HAUS6: variants seen among roughly 807,000 people sequenced by gnomAD.
HAUS6 encodes HAUS augmin like complex subunit 6.
Under a neutral mutation model 106.8 loss-of-function variants are expected in HAUS6, and 80 were observed. That is an observed-to-expected ratio of 0.75 (90% CI 0.63 to 0.90). The LOEUF (loss-of-function observed/expected upper bound fraction) is 0.90. HAUS6 is among the 40% of genes least tolerant of loss of function. HAUS6 has a pLI of 0.00. For missense variants in HAUS6, 1,155 were observed against 1,118.1 expected (o/e 1.03, Z -0.47); for synonymous variants, 356 against 379.1 (o/e 0.94, Z 0.71).
At position 19,058,805 on chromosome 9, in the gene HAUS6, A is replaced by C; in HGVS notation, c.1962T>G (p.Thr654=). ...CGCAATCTGAAATAACTTTCTCTTC[A>C]GTCAAATGAGACTGGCCAAAATCTG... is the stretch of plus-strand genomic sequence containing the variant. ...TVSDFGQSHL[T]EEKVISDCEC... Residue 654 remains threonine, a synonymous_variant, in exon 16 of 17, where the codon ACT becomes ACG. Coordinates refer to ENST00000380502, the MANE Select transcript of HAUS6 (RefSeq NM_017645.5). 6.2e-7 allele frequency: 1 copy of C among 1,614,216 alleles called. No homozygotes were observed. Among genetic ancestry groups the C allele is most frequent in the African/African-American group, 1.3e-5 (1 of 75,068 alleles).
Position 19,094,348 on chromosome 9 carries a change from T to A in HAUS6, c.272A>T (p.Lys91Ile). ...FDQKSDTEFR[K>I]HCCEWIKRIS... ...CCTTTTTATCCATTCACAGCAATGT[T>A]TTCGGAATTCAGTGTCACTTTTTTG... Residue 91 changes from lysine (K) to isoleucine (I), a missense_variant, in exon 3 of 17, where the codon AAA becomes ATA. This residue lies in a region of HAUS6 where 761 missense variants were observed against 690.0 expected (regional missense o/e 1.10). Coordinates refer to ENST00000380502, the MANE Select transcript of HAUS6 (RefSeq NM_017645.5). The A allele has an allele frequency of 6.2e-7, 1 of 1,606,056 alleles. No individual in the cohort carries two copies. Among genetic ancestry groups the A allele is most frequent in the Non-Finnish European group, 8.5e-7 (1 of 1,174,842 alleles).
In HAUS6 at chr9:19,055,624, AC is replaced by A. The variant is rs1836452892; in HGVS notation, c.*718del. On this transcript the variant is annotated 3_prime_UTR_variant, in exon 17 of 17. Coordinates refer to ENST00000380502, the MANE Select transcript of HAUS6 (RefSeq NM_017645.5). ...AAATTAGACTAAATATAAATGTTAT[AC>A]AACCCACTGAATGGATTTATAGTTT... The A allele has an allele frequency of 6.6e-6, 1 of 152,274 alleles. No individual in the cohort carries two copies. The highest frequency in any genetic ancestry group is 1.5e-5 in the Non-Finnish European group (1 of 68,048). 9.4% of individuals were successfully genotyped at this position (152,274 alleles called of 1,614,324 possible).
At position 19,080,550 on chromosome 9, in the gene HAUS6, C is replaced by G. The variant is rs139689694; in HGVS notation, c.993G>C (p.Thr331=). 7.0e-5 allele frequency: 113 copies of G among 1,607,592 alleles called. 1 individual carries two copies. The South Asian group carries it at 1.2e-3, about 17-fold the overall frequency. The change falls in exon 9 of 17, where the codon ACG becomes ACC. Residue 331 remains threonine, a synonymous_variant. Coordinates refer to ENST00000380502, the MANE Select transcript of HAUS6 (RefSeq NM_017645.5). ...ERCQADQARL[T]VDLHYLEKET... ...CTTTTTCAAGGTAGTGAAGGTCTAC[C>G]GTCAATCTTGCTTGATCAGCCTGAC...
At chr9:19,057,804 G>C (rs1449519880) in intron 16 of HAUS6, 157 bp downstream of exon 16, 10 of 560,654 alleles carry the variant, frequency 1.8e-5, no homozygotes, top group Non-Finnish European at 2.5e-5. Context: ...ATTCTGAAAG[G>C]ACCTGTCCAG....
chr9:19,089,809 T>C, intron 4 of HAUS6: 2 of 467,626 alleles, frequency 4.3e-6, no homozygotes, highest in South Asian at 3.1e-5. Context: ...CACAAACATA[T>C]AACAACTAAT....
chr9:19,073,771 G>T (rs1470979014), intron 11 of HAUS6: 1 of 152,026 alleles, frequency 6.6e-6, no homozygotes, highest in Non-Finnish European at 1.5e-5. Flanking sequence ...ATGGAACCAG[G>T]ATGCTCTATC....
chr9:19,069,440 G>C (rs1371954482), intron 12 of HAUS6, among the ~76,000 whole-genome samples: 1 of 152,210 alleles, frequency 6.6e-6, no homozygotes, highest in Admixed American at 6.5e-5. Flanking sequence ...TGTAATCACA[G>C]CACTTTGGGA....
At chr9:19,077,922 T>G (rs544202531) in intron 10 of HAUS6, among the ~76,000 whole-genome samples, 1 of 152,034 alleles carries the variant, frequency 6.6e-6, no homozygotes, top group South Asian at 2.1e-4. Context: ...TTAGCCAGGC[T>G]TGGTGGTGCA....
At chr9:19,066,190 C>T (rs1836757444) in intron 12 of HAUS6, among the ~76,000 whole-genome samples, 1 of 152,046 alleles carries the variant, frequency 6.6e-6, no homozygotes, top group South Asian at 2.1e-4. Flanking sequence ...CCTGCCTCAG[C>T]ATCCCAAAGT....
chr9:19,063,699 G>A (rs766205572), intron 12 of HAUS6, 119 bp from the exon 13 acceptor site: 11 of 805,790 alleles, frequency 1.4e-5, no homozygotes, highest in African/African-American at 8.4e-5. Flanking sequence ...CACTCAATTC[G>A]TCCCGGTCAT....
intron 4 of HAUS6, among the ~76,000 whole-genome samples, chr9:19,092,111 G>A (rs984969863): frequency 1.2e-4 from 18 of 152,034 alleles, no homozygotes; most frequent in African/African-American, 3.9e-4. Flanking sequence ...GGTCACATAC[G>A]ATGCTAATAA....
rs551370650 is a variant in HAUS6 at position 19,061,767 on chromosome 9, C to T, written c.1629+1241G>A. On this transcript the variant is annotated intron_variant, in intron 14 of 16. Transcript: ENST00000380502. The stretch of plus-strand genomic sequence containing the variant: ...GAAGGATCCCTTGAGCTCAGAAGTT[C>T]GAAGTTACAGTGAGCTATAATTACA... 5.3e-5 allele frequency among the ~76,000 whole-genome samples: 8 copies of T among 152,202 alleles called. No homozygotes were observed. In the East Asian group the frequency reaches 1.5e-3, roughly 29 times the overall value.
intron 16 of HAUS6, 77 bp from the exon 17 acceptor site, chr9:19,056,481 T>A: frequency 1.3e-6 from 1 of 795,746 alleles, no homozygotes; most frequent in Non-Finnish European, 2.2e-6. Context: ...AATAGCAAAT[T>A]TTAGTCAATA....
In HAUS6 at chr9:19,062,168, T is replaced by C. The variant is rs141389632; in HGVS notation, c.1629+840A>G. Among the ~76,000 whole-genome samples, 475 of 152,242 alleles carry C rather than the reference T, an allele frequency of 3.1e-3. 5 individuals are homozygous for C. The highest frequency in any genetic ancestry group is 0.011 in the African/African-American group (447 of 41,546). On this transcript the variant is annotated intron_variant, in intron 14 of 16. Transcript: ENST00000380502. ...TTACCAGTAAAAAGCAGAATAGTGT[T>C]AAGGGAGGGGGCTGGTTAGGAAAAT...
chr9:19,062,863 G>C, intron 14 of HAUS6, 145 bp downstream of exon 14: 1 of 668,026 alleles, frequency 1.5e-6, no homozygotes, highest in Non-Finnish European at 2.6e-6. Flanking sequence ...GATGGGTTTC[G>C]CCATGTTGCC....
chr9:19,074,647 C>T (rs1836954418), intron 11 of HAUS6, among the ~76,000 whole-genome samples: 1 of 152,080 alleles, frequency 6.6e-6, no homozygotes, highest in Non-Finnish European at 1.5e-5. Flanking sequence ...TAATCTTTCC[C>T]AACCAGTGTC....
At chr9:19,075,799 C>CA (rs34260961) in intron 11 of HAUS6, among the ~76,000 whole-genome samples, 11,884 of 151,140 alleles carry the variant, frequency 0.079, 517 homozygotes, top group East Asian at 0.11. Context: ...ACTAAAAATA[C>CA]AAAAAAAATT....
chr9:19,066,874 G>A (rs1836770267), intron 12 of HAUS6, among the ~76,000 whole-genome samples: 1 of 151,560 alleles, frequency 6.6e-6, no homozygotes. Flanking sequence ...GGGTGTGGAG[G>A]TGCATGCCTG....
chr9:19,084,248 C>T (rs576834578), intron 7 of HAUS6, among the ~76,000 whole-genome samples: 4 of 152,070 alleles, frequency 2.6e-5, no homozygotes, highest in Non-Finnish European at 2.9e-5. Context: ...CAATGTTGAG[C>T]CAAAGTCAGA....
Sources: gnomAD v4.1 joint callset for allele counts (sites outside exome capture counted in the v4.1 genomes callset) on GRCh38, gnomAD v4.1.1 for gene constraint, gnomAD v4.1.1 regional missense constraint, MANE v1.5 for transcripts, NCBI Gene and HGNC (gene_info 2026-07-23, HGNC 2026-07-21) for gene names.